The following ITGB3 variants were observed in gnomAD, a reference collection of about 807,000 sequenced individuals.
ITGB3 encodes the protein integrin beta-3.
In ITGB3, 48 loss-of-function variants were observed where a neutral mutation model predicts 85.8. The ratio of observed to expected loss-of-function variants is 0.56; its 90% CI spans 0.44 to 0.71. The LOEUF is 0.71. Ranked by LOEUF, ITGB3 falls within the 30% of genes least tolerant of loss-of-function variation. The pLI, the probability that ITGB3 is intolerant of heterozygous loss-of-function variation, is 0.00. For synonymous variants in ITGB3, 363 were observed against 395.6 expected (o/e 0.92, Z 0.98); for missense variants, 861 against 1,019.1 (o/e 0.84, Z 2.11).
intron 10 of ITGB3, among the ~76,000 whole-genome samples, chr17:47,296,875 T>C (rs2065147866): frequency 6.6e-6 from 1 of 152,160 alleles, no homozygotes; most frequent in South Asian, 2.1e-4. Flanking sequence ...ATGACTTACT[T>C]ATCTAGAGAC....
At chr17:47,276,772 G>A (rs2065065422) in intron 2 of ITGB3, among the ~76,000 whole-genome samples, 2 of 152,208 alleles carry the variant, frequency 1.3e-5, no homozygotes, top group Admixed American at 1.3e-4. Context: ...TTCTTGAGAG[G>A]AGCAGGGCTT....
intron 1 of ITGB3, among the ~76,000 whole-genome samples, chr17:47,261,138 G>C (rs1567758708): frequency 6.6e-6 from 1 of 152,086 alleles, no homozygotes; most frequent in Non-Finnish European, 1.5e-5. Flanking sequence ...ATACCCCAAA[G>C]CTCATTTCTG....
chr17:47,272,201 GCCTGCCA>G (rs902041484), intron 1 of ITGB3, among the ~76,000 whole-genome samples: 1 of 151,700 alleles, frequency 6.6e-6, no homozygotes, highest in African/African-American at 2.4e-5. Context: ...GACCACAGGG[GCCTGCCA>G]CCACACCCGG....
chr17:47,295,430 T>TA (rs2065142267), intron 10 of ITGB3, among the ~76,000 whole-genome samples: 1 of 152,154 alleles, frequency 6.6e-6, no homozygotes, highest in South Asian at 2.1e-4. Context: ...CTTCATTTCT[T>TA]ACTTTACTCC....
chr17:47,281,164 C>A (rs2065082534), intron 2 of ITGB3, among the ~76,000 whole-genome samples: 1 of 152,134 alleles, frequency 6.6e-6, no homozygotes, highest in African/African-American at 2.4e-5. Context: ...GCCTGACATA[C>A]AGTAAGTGTT....
At chr17:47,298,408 A>G (rs574122117) in intron 10 of ITGB3, among the ~76,000 whole-genome samples, 4 of 152,236 alleles carry the variant, frequency 2.6e-5, no homozygotes, top group African/African-American at 9.6e-5. Flanking sequence ...CTCTCTGCTT[A>G]CTTGGCTCCG....
chr17:47,286,561 TG>T, intron 5 of ITGB3, 139 bp downstream of exon 5: 1 of 1,045,128 alleles, frequency 9.6e-7, no homozygotes, highest in Non-Finnish European at 1.5e-6. Flanking sequence ...AGTAGTAAGT[TG>T]CTCCTGATAT....
At chr17:47,279,192 C>T (rs140312044) in intron 2 of ITGB3, among the ~76,000 whole-genome samples, 34 of 152,296 alleles carry the variant, frequency 2.2e-4, no homozygotes, top group Non-Finnish European at 3.8e-4. Flanking sequence ...GCTCGCAGGG[C>T]GCTGGCTGGA....
At chr17:47,300,297 C>T (rs1393268375) in intron 11 of ITGB3, among the ~76,000 whole-genome samples, 181 bp from the exon 12 acceptor site, 1 of 151,864 alleles carries the variant, frequency 6.6e-6, no homozygotes, top group African/African-American at 2.4e-5. Flanking sequence ...CCCCTGAACT[C>T]CACACTTGCC....
At chr17:47,262,584 A>C (rs1045313260) in intron 1 of ITGB3, among the ~76,000 whole-genome samples, 3 of 152,136 alleles carry the variant, frequency 2.0e-5, no homozygotes, top group Admixed American at 6.5e-5. Context: ...AAGATCATCA[A>C]ATTTGACACC....
chr17:47,271,789 C>T (rs917598603), intron 1 of ITGB3, among the ~76,000 whole-genome samples: 5 of 152,032 alleles, frequency 3.3e-5, no homozygotes, highest in African/African-American at 9.7e-5. Flanking sequence ...TCTTGTTGCC[C>T]AGGTGGAGTG....
At chr17:47,286,196 C>G in intron 4 of ITGB3, 64 bp from the exon 5 acceptor site, 2 of 1,586,484 alleles carry the variant, frequency 1.3e-6, no homozygotes, top group Non-Finnish European at 8.6e-7. Flanking sequence ...TCTCTTTCCT[C>G]CCAATTCCCA....
At chr17:47,283,831 T>C (rs143330362) in intron 3 of ITGB3, among the ~76,000 whole-genome samples, 139 of 152,312 alleles carry the variant, frequency 9.1e-4, no homozygotes, top group African/African-American at 3.2e-3. Flanking sequence ...AAAAAATATT[T>C]GTTTCTTCTT....
chr17:47,289,260 C>T (rs1026495456), intron 6 of ITGB3, among the ~76,000 whole-genome samples: 1 of 152,148 alleles, frequency 6.6e-6, no homozygotes, highest in Non-Finnish European at 1.5e-5. Flanking sequence ...TGGCCTGTAC[C>T]TCTTCGTCTA....
chr17:47,280,616 C>T (rs2065080455), intron 2 of ITGB3, among the ~76,000 whole-genome samples: 1 of 152,210 alleles, frequency 6.6e-6, no homozygotes, highest in African/African-American at 2.4e-5. Flanking sequence ...GTCGGCCTCC[C>T]ACAGTGCTGG....
intron 6 of ITGB3, among the ~76,000 whole-genome samples, chr17:47,288,794 T>C (rs3785870): frequency 0.022 from 3,381 of 152,282 alleles, 136 homozygotes; most frequent in East Asian, 0.19. Flanking sequence ...GTTCTATCCT[T>C]GGGGAGTTTT....
At chr17:47,272,580 G>A (rs545390282) in intron 1 of ITGB3, among the ~76,000 whole-genome samples, 1 of 152,164 alleles carries the variant, frequency 6.6e-6, no homozygotes, top group East Asian at 1.9e-4. Flanking sequence ...TAATCCCTAA[G>A]CATGGTGGGT....
intron 6 of ITGB3, among the ~76,000 whole-genome samples, chr17:47,289,479 C>A (rs981405048): frequency 6.6e-6 from 1 of 152,124 alleles, no homozygotes; most frequent in Admixed American, 6.5e-5. Flanking sequence ...CTTACCACCA[C>A]ATCTGGCAAA....
At chr17:47,270,526 C>G (rs8080254) in intron 1 of ITGB3, among the ~76,000 whole-genome samples, 43,068 of 152,102 alleles carry the variant, frequency 0.28, 6,408 homozygotes, top group African/African-American at 0.34. Context: ...TGTGAACATT[C>G]AGGAATTCTG....
Sources: gnomAD v4.1 joint callset for allele counts (sites outside exome capture counted in the v4.1 genomes callset) on GRCh38, gnomAD v4.1.1 for gene constraint, MANE v1.5 for transcripts, NCBI Gene and HGNC (gene_info 2026-07-23, HGNC 2026-07-21) for gene names.